KLF11: variants seen among roughly 807,000 people sequenced by gnomAD.
KLF11 encodes KLF transcription factor 11.
In KLF11, 26 loss-of-function variants were observed where a neutral mutation model predicts 29.9. That is an observed-to-expected ratio of 0.87 (90% CI 0.64 to 1.21). The LOEUF is 1.21. KLF11 is among the 50% of genes most tolerant of loss of function. KLF11 has a pLI of 0.00. For missense variants in KLF11, 778 were observed against 665.7 expected (o/e 1.17, Z -1.86); for synonymous variants, 318 against 257.4 (o/e 1.24, Z -2.25).
chr2:10,045,894 C>T (rs190130541), intron 1 of KLF11, among the ~76,000 whole-genome samples: 3 of 152,230 alleles, frequency 2.0e-5, no homozygotes, highest in African/African-American at 7.2e-5. Flanking sequence ...AACTTAGTAG[C>T]CCTTTTTAAG....
chr2:10,045,752 G>A (rs965065587), intron 1 of KLF11, among the ~76,000 whole-genome samples: 3 of 152,226 alleles, frequency 2.0e-5, no homozygotes, highest in Non-Finnish European at 2.9e-5. Context: ...AGGGCGCCGC[G>A]GCCACTGGCA....
Position 10,047,833 on chromosome 2 carries a change from T to A in KLF11, c.496T>A (p.Ser166Thr), listed in dbSNP as rs753059591. 2 of 1,613,760 alleles carry A rather than the reference T, an allele frequency of 1.2e-6. No homozygotes were observed. The highest frequency in any genetic ancestry group is 4.5e-5 in the East Asian group (2 of 44,878). Residue 166 changes from serine to threonine, a missense_variant, in exon 3 of 4, where the codon TCT becomes ACT. Transcript: ENST00000305883. ...GCTGGGTTTGGAGCCAGTGCCCAGC[T>A]CTCCCTGCAGGGCCAAGGGGACTAG... ...GLLGLEPVPSSPCRAKGTSVI... is the reference protein window; with the variant it reads ...GLLGLEPVPSTPCRAKGTSVI...
At chr2:10,049,355 C>G (rs1201592614) in intron 3 of KLF11, among the ~76,000 whole-genome samples, 1 of 152,248 alleles carries the variant, frequency 6.6e-6, no homozygotes, top group South Asian at 2.1e-4. Context: ...GATAGACAAT[C>G]GCTTCAGTAG....
In KLF11 at chr2:10,046,157, T is replaced by A. The variant is rs1224609674; in HGVS notation, c.50T>A (p.Ile17Asn). ...GTGTTGTGTCGCCTTTAGGTTGACA[T>A]CATGGACATATGTGAGTCCATCCTG... ...AGPDDARAVD[I>N]MDICESILER... The change falls in exon 2 of 4, where the codon ATC (isoleucine) becomes AAC (asparagine). Residue 17 changes from isoleucine (I) to asparagine (N), a missense_variant. Coordinates refer to ENST00000305883, the MANE Select transcript of KLF11 (RefSeq NM_003597.5). 2.5e-6 allele frequency: 4 copies of A among 1,613,666 alleles called. No individual in the cohort carries two copies. The African/African-American group carries it at 4.0e-5, about 16-fold the overall frequency.
In KLF11 at chr2:10,048,154, A is replaced by C; in HGVS notation, c.817A>C (p.Thr273Pro). The change falls in exon 3 of 4, where the codon ACC becomes CCC. Residue 273 changes from threonine (T) to proline (P), a missense_variant. Coordinates refer to ENST00000305883, the MANE Select transcript of KLF11 (RefSeq NM_003597.5). The stretch of plus-strand genomic sequence containing the variant: ...TGAAAATGACCTGCCCAGGAAAACC[A>C]CCCCTCTGATTTCTGTCTCTGTCCC... ...NYENDLPRKT[T>P]PLISVSVPAP... is the part of the protein sequence containing the mutation. 1.2e-6 allele frequency: 2 copies of C among 1,614,052 alleles called. No homozygotes were observed. Among genetic ancestry groups the C allele is most frequent in the South Asian group, 2.2e-5 (2 of 91,072 alleles).
In KLF11 at chr2:10,054,360, T is replaced by C. The variant is rs7632; in HGVS notation, c.*1853T>C. ...CCAGTATTCTGGTGGATAAGGTCTT[T>C]TGAGTATTTGGTTGCTTGTCACAAC... On this transcript the variant is annotated 3_prime_UTR_variant, in exon 4 of 4. Transcript: ENST00000305883. 83,963 of 152,166 alleles carry C rather than the reference T, an allele frequency of 0.55. 23,432 individuals are homozygous for C. The highest frequency in any genetic ancestry group is 0.68 in the East Asian group (3,537 of 5,184). The allele number at this position is 152,166 out of a possible 1,614,324, so 9.4% of individuals were successfully genotyped here. A position where few individuals can be genotyped will look rare whatever the true frequency, so the allele number is the denominator to read the frequency against.
chr2:10,044,191 G>T lies in KLF11; in HGVS notation c.42+433G>T, dbSNP rs528661038. 213 of 867,968 alleles carry T rather than the reference G, an allele frequency of 2.5e-4. No individual in the cohort carries two copies. The African/African-American group carries it at 3.7e-3, about 15-fold the overall frequency. 53.8% of individuals were successfully genotyped at this position (867,968 alleles called of 1,614,324 possible). The stretch of plus-strand genomic sequence containing the variant: ...GGGCGGGGCACGCGGCCGTCGGGCG[G>T]GTTAAGAGCGGCTAGCGGTAGTGCC... On this transcript the variant is annotated intron_variant, in intron 1 of 3. Coordinates refer to ENST00000305883, the MANE Select transcript of KLF11 (RefSeq NM_003597.5).
intron 2 of KLF11, 96 bp downstream of exon 2, chr2:10,046,515 C>A: frequency 7.2e-7 from 1 of 1,388,672 alleles, no homozygotes; most frequent in Non-Finnish European, 1.0e-6. Flanking sequence ...CCCTGGGATG[C>A]TGGCAAATAA....
rs960911082 is a variant in KLF11, at chr2:10,053,532, T to G, written c.*1025T>G. 43 of 398,122 alleles carry G rather than the reference T, an allele frequency of 1.1e-4. No individual in the cohort carries two copies. The highest frequency in any genetic ancestry group is 2.2e-5 in the Non-Finnish European group (5 of 225,988). 24.7% of individuals were successfully genotyped at this position (398,122 alleles called of 1,614,324 possible). On this transcript the variant is annotated 3_prime_UTR_variant, in exon 4 of 4. Transcript: ENST00000305883. ...AGAGCACAGCTTAGCTGGGGCGAGA[T>G]GCATGTGAAGGCAGGCAGTGCCAAG...
In KLF11 at chr2:10,046,272, C is replaced by T. The variant is rs1398394625; in HGVS notation, c.165C>T (p.Ser55=). 5.0e-6 allele frequency: 8 copies of T among 1,614,078 alleles called. No individual in the cohort carries two copies. Among genetic ancestry groups the T allele is most frequent in the Non-Finnish European group, 6.8e-6 (8 of 1,180,050 alleles). The change falls in exon 2 of 4, where the codon AGC becomes AGT. Residue 55 remains serine, a synonymous_variant. Transcript: ENST00000305883. The part of the protein sequence containing the change: ...MEAVEALVCM[S]SWGQRSQKGD... ...CTGTCGAGGCTCTTGTTTGTATGAGCTCCTGGGGTCAAAGATCCCAGAAAG... is the reference window on the plus strand; with the variant it reads ...CTGTCGAGGCTCTTGTTTGTATGAGTTCCTGGGGTCAAAGATCCCAGAAAG...
intron 1 of KLF11, chr2:10,044,361 G>A: frequency 1.0e-6 from 1 of 985,736 alleles, no homozygotes; most frequent in African/African-American, 1.7e-5. Flanking sequence ...CGACCTGGGG[G>A]CTTCGGGGAG....
chr2:10,046,168 T>A lies in KLF11; in HGVS notation c.61T>A (p.Cys21Ser). The A allele has an allele frequency of 1.2e-6, 2 of 1,613,950 alleles. No individual in the cohort carries two copies. The highest frequency in any genetic ancestry group is 1.7e-6 in the Non-Finnish European group (2 of 1,180,026). The change falls in exon 2 of 4, where the codon TGT becomes AGT. Residue 21 changes from cysteine (C) to serine (S), a missense_variant. Coordinates refer to ENST00000305883, the MANE Select transcript of KLF11 (RefSeq NM_003597.5). ...CCTTTAGGTTGACATCATGGACATATGTGAGTCCATCCTGGAGAGGAAGCG... is the reference window on the plus strand; with the variant it reads ...CCTTTAGGTTGACATCATGGACATAAGTGAGTCCATCCTGGAGAGGAAGCG... Reference protein sequence around the residue: ...DARAVDIMDICESILERKRHD... With the variant: ...DARAVDIMDISESILERKRHD...
At chr2:10,047,625 T>C in intron 2 of KLF11, 25 bp from the exon 3 acceptor site, 1 of 1,593,460 alleles carries the variant, frequency 6.3e-7, no homozygotes, top group Non-Finnish European at 8.6e-7. Flanking sequence ...AAAGCAACCT[T>C]TTAACATGGT....
Position 10,044,217 on chromosome 2 carries a change from G to A in KLF11, c.42+459G>A, listed in dbSNP as rs999154279. 5.6e-6 allele frequency: 5 copies of A among 893,458 alleles called. No homozygotes were observed. In the African/African-American group the frequency reaches 8.9e-5, roughly 16 times the overall value. 55.3% of individuals were successfully genotyped at this position (893,458 alleles called of 1,614,324 possible). ...GTTAAGAGCGGCTAGCGGTAGTGCC[G>A]CTCGGGCCTGGGGGCGGGCAAGGTC... On this transcript the variant is annotated intron_variant, in intron 1 of 3. Transcript: ENST00000305883.
At chr2:10,046,103 CTG>C (rs1474689723) in intron 1 of KLF11, 45 bp from the exon 2 acceptor site, 7 of 1,611,932 alleles carry the variant, frequency 4.3e-6, no homozygotes, top group African/African-American at 1.3e-5. Context: ...TGGGTGGCCT[CTG>C]TATTTCCCCT....
intron 1 of KLF11, chr2:10,043,996 C>T (rs867997722): frequency 2.0e-5 from 16 of 810,376 alleles, no homozygotes; most frequent in South Asian, 1.1e-4. Flanking sequence ...CTTTGTCTTG[C>T]GCTTCCTGGG....
chr2:10,052,969 A>T lies in KLF11; in HGVS notation c.*462A>T. On this transcript the variant is annotated 3_prime_UTR_variant, in exon 4 of 4. Coordinates refer to ENST00000305883, the MANE Select transcript of KLF11 (RefSeq NM_003597.5). ...CCTTCTTTTCAGTGTTTAATAACAA[A>T]GTTTTTCCTAATGGCCCTTCTTTTA... The T allele has an allele frequency of 2.8e-6, 1 of 354,050 alleles. No individual in the cohort carries two copies. The highest frequency in any genetic ancestry group is 5.0e-6 in the Non-Finnish European group (1 of 199,308). 21.9% of individuals were successfully genotyped at this position (354,050 alleles called of 1,614,324 possible).
At chr2:10,043,887 G>A (rs1394204806) in intron 1 of KLF11, 129 bp downstream of exon 1, 3 of 1,077,350 alleles carry the variant, frequency 2.8e-6, no homozygotes, top group Non-Finnish European at 3.4e-6. Context: ...CGGCCGCGCC[G>A]GTAGGGGCCT....
rs372404152 is a variant in KLF11 at position 10,048,188 on chromosome 2, C to G, written c.851C>G (p.Pro284Arg). The part of the protein sequence containing the change: ...PLISVSVPAP[P>R]VLCQMIPVTG... ...ATTTCTGTCTCTGTCCCTGCTCCCCCTGTCCTTTGCCAGATGATCCCTGTG... is the reference window on the plus strand; with the variant it reads ...ATTTCTGTCTCTGTCCCTGCTCCCCGTGTCCTTTGCCAGATGATCCCTGTG... The change falls in exon 3 of 4, where the codon CCT becomes CGT. Residue 284 changes from proline to arginine, a missense_variant. By Grantham distance (103) the Pro-to-Arg change is moderately radical. Coordinates refer to ENST00000305883, the MANE Select transcript of KLF11 (RefSeq NM_003597.5). The G allele has an allele frequency of 2.2e-5, 36 of 1,614,222 alleles. No individual in the cohort carries two copies. The Middle Eastern group carries it at 6.6e-4, about 30-fold the overall frequency.
Sources: gnomAD v4.1 joint callset for allele counts (sites outside exome capture counted in the v4.1 genomes callset) on GRCh38, gnomAD v4.1.1 for gene constraint, MANE v1.5 for transcripts, NCBI Gene and HGNC (gene_info 2026-07-23, HGNC 2026-07-21) for gene names.